MDGA2: variants seen among roughly 807,000 people sequenced by gnomAD.
MDGA2 encodes MAM domain-containing glycosylphosphatidylinositol anchor protein 2.
Under a neutral mutation model 117.8 loss-of-function variants are expected in MDGA2, and 40 were observed. The observed-to-expected ratio is 0.34, with a 90% CI of 0.26 to 0.44. MDGA2 has a LOEUF of 0.44. Ranked by LOEUF, MDGA2 falls within the 20% of genes least tolerant of loss-of-function variation. The pLI is 1.00. For missense variants in MDGA2, 1,123 were observed against 1,250.6 expected (o/e 0.90, Z 1.54); for synonymous variants, 452 against 439.0 (o/e 1.03, Z -0.37).
chr14:47,125,810 C>T (rs893468458), intron 5 of MDGA2, among the ~76,000 whole-genome samples: 1 of 152,002 alleles, frequency 6.6e-6, no homozygotes, highest in Middle Eastern at 3.4e-3. Context: ...ACACCTATCC[C>T]TTTTTTATAC....
intron 9 of MDGA2, among the ~76,000 whole-genome samples, chr14:46,943,165 A>G (rs1885058235): frequency 1.3e-5 from 2 of 151,994 alleles, no homozygotes; most frequent in African/African-American, 4.8e-5. Flanking sequence ...TAATTACTCT[A>G]TCTTGAAGTC....
chr14:47,631,477 T>C (rs1462876245), intron 1 of MDGA2, among the ~76,000 whole-genome samples: 1 of 152,190 alleles, frequency 6.6e-6, no homozygotes, highest in South Asian at 2.1e-4. Context: ...TGTCATCACA[T>C]AACCTTTCAG....
chr14:46,879,722 G>T (rs775031130), intron 11 of MDGA2, among the ~76,000 whole-genome samples: 4 of 151,978 alleles, frequency 2.6e-5, no homozygotes, highest in Non-Finnish European at 5.9e-5. Context: ...TTCTAGTCAG[G>T]TTTGTCATTT....
At chr14:47,096,194 CTG>C (rs1879957320) in intron 6 of MDGA2, among the ~76,000 whole-genome samples, 1 of 152,028 alleles carries the variant, frequency 6.6e-6, no homozygotes, top group East Asian at 1.9e-4. Context: ...TCTGACTTTT[CTG>C]TCTTTTCTCA....
At chr14:47,505,146 T>C (rs1296872055) in intron 1 of MDGA2, among the ~76,000 whole-genome samples, 1 of 151,982 alleles carries the variant, frequency 6.6e-6, no homozygotes, top group Non-Finnish European at 1.5e-5. Context: ...GTGGAATCTT[T>C]AAAAAAGAAA....
intron 1 of MDGA2, among the ~76,000 whole-genome samples, chr14:47,456,225 G>GT (rs1238432129): frequency 6.6e-6 from 1 of 150,874 alleles, no homozygotes; most frequent in East Asian, 2.0e-4. Context: ...TAATGGAAAA[G>GT]TTGTCAAGAA....
At chr14:47,612,259 T>TAGA (rs1896864865) in intron 1 of MDGA2, among the ~76,000 whole-genome samples, 2 of 127,628 alleles carry the variant, frequency 1.6e-5, no homozygotes, top group Non-Finnish European at 3.5e-5. Context: ...TAGATAGATC[T>TAGA]TCTGTGTTTT....
At chr14:47,498,423 G>A (rs1208775108) in intron 1 of MDGA2, among the ~76,000 whole-genome samples, 2 of 152,032 alleles carry the variant, frequency 1.3e-5, no homozygotes, top group Non-Finnish European at 1.5e-5. Context: ...GCTGTTACTG[G>A]AACAAGGCAG....
At chr14:47,663,860 G>A (rs1897894315) in intron 1 of MDGA2, among the ~76,000 whole-genome samples, 1 of 152,038 alleles carries the variant, frequency 6.6e-6, no homozygotes, top group African/African-American at 2.4e-5. Flanking sequence ...ATAAACTGCT[G>A]TTTTCCAATT....
chr14:47,081,164 T>C (rs1890695410), intron 6 of MDGA2, among the ~76,000 whole-genome samples: 1 of 152,084 alleles, frequency 6.6e-6, no homozygotes, highest in African/African-American at 2.4e-5. Flanking sequence ...TAAAATAGTA[T>C]TACTTTCTGG....
intron 1 of MDGA2, among the ~76,000 whole-genome samples, chr14:47,539,387 G>A (rs376722949): frequency 8.5e-5 from 13 of 152,254 alleles, no homozygotes; most frequent in African/African-American, 3.1e-4. Context: ...TACTGACAAA[G>A]CTTAATTTTA....
At chr14:46,974,196 G>A (rs1490533834) in intron 8 of MDGA2, among the ~76,000 whole-genome samples, 7 of 152,032 alleles carry the variant, frequency 4.6e-5, no homozygotes, top group Non-Finnish European at 1.0e-4. Context: ...ATGTGCAATG[G>A]AAACTACAGA....
chr14:47,009,028 T>C (rs1222993631), intron 8 of MDGA2, among the ~76,000 whole-genome samples: 2 of 152,010 alleles, frequency 1.3e-5, no homozygotes, highest in Non-Finnish European at 2.9e-5. Flanking sequence ...ATAAATAAAA[T>C]AATGTGTATT....
intron 1 of MDGA2, among the ~76,000 whole-genome samples, chr14:47,370,708 C>T (rs566678906): frequency 1.1e-4 from 17 of 150,994 alleles, no homozygotes; most frequent in African/African-American, 4.1e-4. Flanking sequence ...TCTCTTTTTG[C>T]TCTGTCAGTA....
intron 1 of MDGA2, among the ~76,000 whole-genome samples, chr14:47,384,870 A>G (rs1054138651): frequency 5.9e-5 from 9 of 152,256 alleles, no homozygotes; most frequent in Non-Finnish European, 1.2e-4. Flanking sequence ...CCATGCAACC[A>G]GAGAATACAA....
chr14:46,876,213 A>C (rs886866700), intron 12 of MDGA2, among the ~76,000 whole-genome samples: 1 of 151,566 alleles, frequency 6.6e-6, no homozygotes, highest in Non-Finnish European at 1.5e-5. Context: ...TATCTTTACA[A>C]TAAATAAGCC....
At chr14:47,141,324 C>T (rs747569312) in intron 4 of MDGA2, among the ~76,000 whole-genome samples, 7 of 152,034 alleles carry the variant, frequency 4.6e-5, no homozygotes, top group Admixed American at 1.3e-4. Context: ...GACAGTATGT[C>T]GAGGAGATAC....
chr14:46,874,256 TA>T (rs1882134955), intron 12 of MDGA2, 56 bp from the exon 13 acceptor site: 2 of 868,840 alleles, frequency 2.3e-6, no homozygotes, highest in Non-Finnish European at 3.1e-6. Flanking sequence ...CATACTGCAA[TA>T]TTTTCATAAG....
chr14:47,132,850 G>A lies in MDGA2; in HGVS notation c.793-1004C>T, dbSNP rs185633844. On this transcript the variant is annotated intron_variant, in intron 4 of 16. Coordinates refer to ENST00000399232, the MANE Select transcript of MDGA2 (RefSeq NM_001113498.3). ...AACAATGTGTTTCATCACTTTACCT[G>A]GGTAACATTTGTCGAGTTCTAAAAC... Among the ~76,000 whole-genome samples, 60 of 151,898 alleles carry A rather than the reference G, an allele frequency of 4.0e-4. No individual in the cohort carries two copies. In the East Asian group the frequency reaches 9.1e-3, roughly 23 times the overall value.
Sources: gnomAD v4.1 joint callset for allele counts (sites outside exome capture counted in the v4.1 genomes callset) on GRCh38, gnomAD v4.1.1 for gene constraint, MANE v1.5 for transcripts, NCBI Gene and HGNC (gene_info 2026-07-23, HGNC 2026-07-21) for gene names.